The following THOC2 variants were observed in gnomAD, a reference collection of about 807,000 sequenced individuals.
THOC2 encodes THO complex subunit 2.
A neutral mutation model predicts 128.4 loss-of-function variants in THOC2; 10 were observed. The observed-to-expected ratio is 0.08, with a 90% CI of 0.05 to 0.13. The LOEUF (loss-of-function observed/expected upper bound fraction) is 0.13. THOC2 is among the 10% of genes least tolerant of loss of function. The pLI is 1.00. For missense variants in THOC2, 535 were observed against 1,155.7 expected, an observed-to-expected ratio of 0.46 and a Z score of 7.79; for synonymous variants, 393 against 396.9, an observed-to-expected ratio of 0.99 and a Z score of 0.12.
At chrX:123,606,509 G>A (rs1269194988) in intron 38 of THOC2, among the ~76,000 whole-genome samples, 3 of 111,164 alleles carry the variant, frequency 2.7e-5, no homozygotes, top group Admixed American at 1.9e-4. Flanking sequence ...CATGAGAATC[G>A]CTTGAACCCA....
At chrX:123,644,310 C>T (rs938086539) in intron 15 of THOC2, among the ~76,000 whole-genome samples, 10 of 111,969 alleles carry the variant, frequency 8.9e-5, no homozygotes, top group African/African-American at 2.9e-4. Flanking sequence ...AAACCTTCAT[C>T]CCATAATATG....
At chrX:123,696,603 C>T (rs747566492) in intron 6 of THOC2, 118 bp downstream of exon 6, 345 of 744,935 alleles carry the variant, frequency 4.6e-4, no homozygotes, top group Non-Finnish European at 4.8e-4. Context: ...ACAAGACATG[C>T]TAACCACAAA....
At chrX:123,729,057 T>C (rs1040708354) in intron 1 of THOC2, among the ~76,000 whole-genome samples, 5 of 112,305 alleles carry the variant, frequency 4.5e-5, no homozygotes, top group African/African-American at 1.6e-4. Context: ...CATGGCAAGT[T>C]CTACGTCAAT....
At chrX:123,609,935 A>G (rs1161473348) in intron 38 of THOC2, among the ~76,000 whole-genome samples, 1 of 110,850 alleles carries the variant, frequency 9.0e-6, no homozygotes, top group Non-Finnish European at 1.9e-5. Context: ...AGGCTGAGGC[A>G]GGAGAATCGC....
At position 123,622,715 on chromosome X, in the gene THOC2, T is replaced by A. The variant is rs965886194; in HGVS notation, c.3785+43A>T. The A allele has an allele frequency of 1.3e-5, 12 of 958,680 alleles. No individual in the cohort carries two copies. The Admixed American group carries it at 2.0e-4, about 16-fold the overall frequency. 79.0% of individuals were successfully genotyped at this position (958,680 alleles called of 1,213,427 possible). On this transcript the variant is annotated intron_variant, in intron 30 of 38. Transcript: ENST00000245838. ...CAAAAAAATACATAAAAATCATTTT[T>A]AAAAAGAATTTAGAATTATGACACA...
intron 33 of THOC2, among the ~76,000 whole-genome samples, chrX:123,617,586 C>A (rs1472555640): frequency 9.0e-6 from 1 of 111,425 alleles, no homozygotes; most frequent in Non-Finnish European, 1.9e-5. Flanking sequence ...AGCTAAAGAA[C>A]TTTTAGTCTC....
At position 123,668,312 on chromosome X, in the gene THOC2, A is replaced by G; in HGVS notation, c.864T>C (p.Leu288=). ...LIDLDDLYVH[L]LPADNCIMDE... Reference sequence around the variant, plus strand: ...CCATAATGCAATTATCAGCCGGAAGAAGCTAAAAATGGTACATTAAAATTT... The same window carrying G: ...CCATAATGCAATTATCAGCCGGAAGGAGCTAAAAATGGTACATTAAAATTT... The change falls in exon 10 of 39, where the codon CTT becomes CTC. Residue 288 remains leucine, a splice_region_variant and synonymous_variant. Transcript: ENST00000245838. 8.5e-7 allele frequency: 1 copy of G among 1,171,415 alleles called. No individual in the cohort carries two copies. Among genetic ancestry groups the G allele is most frequent in the Non-Finnish European group, 1.1e-6 (1 of 875,078 alleles).
Position 123,686,732 on chromosome X carries a change from T to C in THOC2, c.602-18A>G, listed in dbSNP as rs758079913. On this transcript the variant is annotated intron_variant, in intron 7 of 38. Transcript: ENST00000245838. ...AAAGCATCCTGCAACAGATGAGACA[T>C]ACAAAAATTTAAAAATGATTATACA... 9.0e-7 allele frequency: 1 copy of C among 1,115,415 alleles called. No homozygotes were observed. Among genetic ancestry groups the C allele is most frequent in the South Asian group, 2.4e-5 (1 of 41,245 alleles). 91.9% of individuals were successfully genotyped at this position (1,115,415 alleles called of 1,213,427 possible).
At chrX:123,615,766 C>T (rs1210681760) in intron 33 of THOC2, among the ~76,000 whole-genome samples, 1 of 110,351 alleles carries the variant, frequency 9.1e-6, no homozygotes, top group Non-Finnish European at 1.9e-5. Flanking sequence ...TTACTTCTGG[C>T]ATTAATGTTC....
intron 38 of THOC2, among the ~76,000 whole-genome samples, chrX:123,610,578 C>T (rs2046666240): frequency 9.0e-6 from 1 of 111,467 alleles, no homozygotes; most frequent in Non-Finnish European, 1.9e-5. Flanking sequence ...TTATAAAATG[C>T]AGATACCACT....
In THOC2 at chrX:123,613,551, C is replaced by T. The variant is rs1230058155; in HGVS notation, c.4525G>A (p.Val1509Ile). ...RRKEENGTMG[V>I]SKHKSESPCE... is the part of the protein sequence containing the mutation. The stretch of plus-strand genomic sequence containing the variant: ...GGACTTTCACTTTTATGTTTTGAAA[C>T]CCCCACTAAAATTACAAAAGAAAAT... The change falls in exon 36 of 39, where the codon GTT (valine) becomes ATT (isoleucine). Residue 1509 changes from valine (V) to isoleucine (I), a missense_variant. Val to Ile is a conservative substitution (Grantham distance 29). Transcript: ENST00000245838. The T allele has an allele frequency of 8.3e-7, 1 of 1,207,833 alleles. No homozygotes were observed. The highest frequency in any genetic ancestry group is 1.7e-5 in the African/African-American group (1 of 57,361).
At chrX:123,640,391 A>C (rs989195531) in intron 16 of THOC2, 147 bp downstream of exon 16, 2 of 348,026 alleles carry the variant, frequency 5.7e-6, no homozygotes, top group Non-Finnish European at 5.0e-6. Flanking sequence ...AAAATAGATC[A>C]ATGTGTTAAA....
chrX:123,627,849 T>C lies in THOC2; in HGVS notation c.2601A>G (p.Leu867=). The C allele has an allele frequency of 8.3e-7, 1 of 1,211,999 alleles. No individual in the cohort carries two copies. ...TGTCATCCCAGACTTTGGAAACATG[T>C]AAGGAGACCACTGCTTCATGGACAG... The part of the protein sequence containing the change: ...MAPVHEAVVS[L]HVSKVWDDIS... The change falls in exon 23 of 39, where the codon TTA becomes TTG. Residue 867 remains leucine, a synonymous_variant. Coordinates refer to ENST00000245838, the MANE Select transcript of THOC2 (RefSeq NM_001081550.2).
chrX:123,695,589 G>A (rs2050416055), intron 7 of THOC2, among the ~76,000 whole-genome samples: 1 of 111,956 alleles, frequency 8.9e-6, no homozygotes, highest in African/African-American at 3.2e-5. Flanking sequence ...GTTCACTGAA[G>A]ATTTACTGTA....
At chrX:123,638,814 C>T (rs1376451093) in intron 17 of THOC2, 120 bp downstream of exon 17, 1 of 440,432 alleles carries the variant, frequency 2.3e-6, no homozygotes. Context: ...GACCAAACTT[C>T]AGATCAGCCA....
intron 12 of THOC2, among the ~76,000 whole-genome samples, chrX:123,648,140 G>A (rs2048208904): frequency 9.0e-6 from 1 of 111,398 alleles, no homozygotes; most frequent in African/African-American, 3.3e-5. Context: ...TAAACAGTGG[G>A]TGCAGCCCAC....
At chrX:123,607,568 T>C (rs1027716999) in intron 38 of THOC2, among the ~76,000 whole-genome samples, 1 of 109,593 alleles carries the variant, frequency 9.1e-6, no homozygotes, top group Non-Finnish European at 1.9e-5. Context: ...CCTCCTACAG[T>C]GTTAGGATTA....
At chrX:123,674,910 G>A (rs1024634843) in intron 8 of THOC2, among the ~76,000 whole-genome samples, 3 of 111,209 alleles carry the variant, frequency 2.7e-5, no homozygotes, top group African/African-American at 9.8e-5. Flanking sequence ...CCTGGGTGAT[G>A]GGATGAATTG....
At chrX:123,719,134 T>C (rs1296101423) in intron 1 of THOC2, among the ~76,000 whole-genome samples, 1 of 105,773 alleles carries the variant, frequency 9.5e-6, no homozygotes, top group Non-Finnish European at 1.9e-5. Context: ...ACAGAGATGG[T>C]GCCACTGCAT....
Sources: allele counts gnomAD v4.1 joint callset (sites outside exome capture counted in the v4.1 genomes callset), GRCh38; gene constraint gnomAD v4.1.1; transcripts MANE v1.5; gene names NCBI Gene and HGNC (gene_info 2026-07-23, HGNC 2026-07-21).